The following SYNJ1 variants were observed in gnomAD, a reference collection of about 807,000 sequenced individuals.
SYNJ1 encodes polyphosphatidylinositol phosphatase SYNJ1.
In SYNJ1, 78 loss-of-function variants were observed where a neutral mutation model predicts 168.2. That is an observed-to-expected ratio of 0.46 (90% CI 0.39 to 0.56). The LOEUF (loss-of-function observed/expected upper bound fraction) is 0.56, where lower values mean the gene tolerates loss of function less well. Among genes scored for constraint, SYNJ1 ranks in the 20% least tolerant of loss-of-function variants. The probability of loss-of-function intolerance (pLI) is 0.00; values close to 1 mark genes in which losing one functional copy is unlikely to be tolerated. For missense variants in SYNJ1, 1,303 were observed against 1,597.6 expected (o/e 0.82, Z 3.14); for synonymous variants, 539 against 548.6 (o/e 0.98, Z 0.24).
chr21:32,645,702 C>A lies in SYNJ1; in HGVS notation c.3335G>T (p.Arg1112Leu). 6.8e-7 allele frequency: 1 copy of A among 1,480,270 alleles called. No homozygotes were observed. The highest frequency in any genetic ancestry group is 1.4e-5 in the South Asian group (1 of 71,026). The allele number at this position is 1,480,270 out of a possible 1,614,324, so 91.7% of individuals were successfully genotyped here. A position where few individuals can be genotyped will look rare whatever the true frequency, so the allele number is the denominator to read the frequency against. The change falls in exon 25 of 33, where the codon CGC becomes CTC. Residue 1112 changes from arginine (R) to leucine (L), a missense_variant. By Grantham distance (102) the Arg-to-Leu change is moderately radical. This residue lies in a region of SYNJ1 where 383 missense variants were observed against 388.8 expected (regional missense o/e 0.99). Coordinates refer to ENST00000674351, the MANE Select transcript of SYNJ1 (RefSeq NM_203446.3). ...PLEPKRPPPPRPVAPPTRPAP... is the reference protein window; with the variant it reads ...PLEPKRPPPPLPVAPPTRPAP... ...CGGGCGTGTGGGAGGGGCGACCGGG[C>A]GGGGCGGCGGCGGCCGCTTGGGCTC...
chr21:32,704,832 T>G (rs900269522), intron 2 of SYNJ1, among the ~76,000 whole-genome samples: 8 of 152,100 alleles, frequency 5.3e-5, no homozygotes, highest in African/African-American at 1.9e-4. Flanking sequence ...ACAGAGAAAC[T>G]AGAATGGACA....
chr21:32,727,780 T>C, intron 1 of SYNJ1, 166 bp downstream of exon 1: 1 of 1,374,062 alleles, frequency 7.3e-7, no homozygotes, highest in Non-Finnish European at 9.5e-7. Context: ...CAACCAGTGG[T>C]CTGCTCACAA....
Position 32,678,894 on chromosome 21 carries a change from T to C in SYNJ1, c.1354-93A>G, listed in dbSNP as rs565373223. On this transcript the variant is annotated intron_variant, in intron 11 of 32. Transcript: ENST00000674351. ...TTTTTGAAATTTTAAATCAGTTTTA[T>C]ATGATTTTAGTATAAAAAAGGACCT... 11 of 1,521,966 alleles carry C rather than the reference T, an allele frequency of 7.2e-6. No individual in the cohort carries two copies. The South Asian group carries it at 1.3e-4, about 17-fold the overall frequency. 94.3% of individuals were successfully genotyped at this position (1,521,966 alleles called of 1,614,324 possible).
At chr21:32,661,960 T>C (rs1569058610) in intron 18 of SYNJ1, among the ~76,000 whole-genome samples, 1 of 152,162 alleles carries the variant, frequency 6.6e-6, no homozygotes, top group African/African-American at 2.4e-5. Flanking sequence ...ACCCTTTCTC[T>C]CCAAGTGATC....
At chr21:32,680,658 CTGGA>C (rs1230148395) in intron 11 of SYNJ1, among the ~76,000 whole-genome samples, 5 of 151,746 alleles carry the variant, frequency 3.3e-5, no homozygotes, top group African/African-American at 1.2e-4. Context: ...GTCACTCAGG[CTGGA>C]TGGAGTGCAG....
chr21:32,659,740 G>A (rs1309285497), intron 18 of SYNJ1, among the ~76,000 whole-genome samples: 3 of 152,214 alleles, frequency 2.0e-5, no homozygotes, highest in Non-Finnish European at 4.4e-5. Flanking sequence ...GGAGACGCAA[G>A]TCTGCCGATG....
chr21:32,654,192 G>C (rs898823048), intron 21 of SYNJ1: 5 of 151,788 alleles, frequency 3.3e-5, no homozygotes, highest in South Asian at 2.1e-4. Flanking sequence ...CACACACACA[G>C]AGTATCACTC....
rs1266763591 is a variant in SYNJ1, at chr21:32,631,018, T to C, written c.*787A>G. 6 of 1,613,638 alleles carry C rather than the reference T, an allele frequency of 3.7e-6. No homozygotes were observed. Among genetic ancestry groups the C allele is most frequent in the Non-Finnish European group, 5.1e-6 (6 of 1,179,818 alleles). ...CGTTATCTTTCTGTAAAGTCCAGTG[T>C]GGGTGAAGCCTTAGAGGCCAAGGTC... On this transcript the variant is annotated 3_prime_UTR_variant, in exon 33 of 33. Coordinates refer to ENST00000674351, the MANE Select transcript of SYNJ1 (RefSeq NM_203446.3).
intron 4 of SYNJ1, among the ~76,000 whole-genome samples, chr21:32,695,608 T>G (rs1272095221): frequency 6.6e-6 from 1 of 151,648 alleles, no homozygotes; most frequent in African/African-American, 2.4e-5. Context: ...CCACCCCAAT[T>G]TATGAAGCTC....
At position 32,687,077 on chromosome 21, in the gene SYNJ1, A is replaced by G; in HGVS notation, c.852-3T>C. On this transcript the variant is annotated splice_polypyrimidine_tract_variant and splice_region_variant and intron_variant, in intron 7 of 32. Transcript: ENST00000674351. ...AGTTCTTAAGTGTTCTAAAATGCCT[A>G]TTTAAGAAAGAAAGGAAATAAATAC... 6.9e-7 allele frequency: 1 copy of G among 1,441,246 alleles called. No individual in the cohort carries two copies. Among genetic ancestry groups the G allele is most frequent in the Non-Finnish European group, 9.3e-7 (1 of 1,075,872 alleles). The allele number at this position is 1,441,246 out of a possible 1,614,324, so 89.3% of individuals were successfully genotyped here. A position where few individuals can be genotyped will look rare whatever the true frequency, so the allele number is the denominator to read the frequency against.
chr21:32,723,871 A>G (rs1334025864), intron 2 of SYNJ1, among the ~76,000 whole-genome samples: 3 of 152,292 alleles, frequency 2.0e-5, no homozygotes, highest in South Asian at 2.1e-4. Context: ...TGTGATACAG[A>G]GTAAGTTCTA....
At chr21:32,646,945 C>T (rs1465395730) in intron 23 of SYNJ1, among the ~76,000 whole-genome samples, 1 of 152,164 alleles carries the variant, frequency 6.6e-6, no homozygotes, top group Non-Finnish European at 1.5e-5. Flanking sequence ...GTCCACTGTG[C>T]TCTGTGGAAC....
intron 16 of SYNJ1, 61 bp from the exon 17 acceptor site, chr21:32,666,196 A>G: frequency 5.2e-6 from 8 of 1,536,202 alleles, no homozygotes; most frequent in Non-Finnish European, 7.0e-6. Flanking sequence ...TGTGCATAGG[A>G]AATGAGGAAT....
At chr21:32,686,901 T>C in intron 8 of SYNJ1, 77 bp downstream of exon 8, 1 of 983,032 alleles carries the variant, frequency 1.0e-6, no homozygotes, top group Non-Finnish European at 1.5e-6. Context: ...AAGAATCTGA[T>C]TACTGTATTA....
chr21:32,655,679 C>T (rs1367417743), intron 21 of SYNJ1, among the ~76,000 whole-genome samples: 1 of 151,984 alleles, frequency 6.6e-6, no homozygotes, highest in Non-Finnish European at 1.5e-5. Flanking sequence ...TAGAGATCTG[C>T]CCACCAAATA....
chr21:32,712,550 A>G (rs1344562649), intron 2 of SYNJ1, among the ~76,000 whole-genome samples: 1 of 139,762 alleles, frequency 7.2e-6, no homozygotes, highest in Non-Finnish European at 1.6e-5. Context: ...ACATTTAAGG[A>G]AAAAAAAAAA....
At chr21:32,651,022 T>C (rs2145814390) in intron 22 of SYNJ1, among the ~76,000 whole-genome samples, 1 of 152,340 alleles carries the variant, frequency 6.6e-6, no homozygotes, top group African/African-American at 2.4e-5. Context: ...AACCAAGACA[T>C]TATAATCAAA....
At chr21:32,712,344 A>G (rs1252875633) in intron 2 of SYNJ1, among the ~76,000 whole-genome samples, 1 of 152,212 alleles carries the variant, frequency 6.6e-6, no homozygotes, top group Non-Finnish European at 1.5e-5. Flanking sequence ...GAAGAAAAAG[A>G]GTAGAGATTA....
intron 18 of SYNJ1, 49 bp from the exon 19 acceptor site, chr21:32,657,921 C>A: frequency 6.7e-7 from 1 of 1,482,350 alleles, no homozygotes; most frequent in Non-Finnish European, 9.3e-7. Flanking sequence ...GCAACAAGTT[C>A]TGTTTTCATT....
Sources: gnomAD v4.1 joint callset for allele counts (sites outside exome capture counted in the v4.1 genomes callset) on GRCh38, gnomAD v4.1.1 for gene constraint, gnomAD v4.1.1 regional missense constraint, MANE v1.5 for transcripts, NCBI Gene and HGNC (gene_info 2026-07-23, HGNC 2026-07-21) for gene names.